The following OR51G1 variants were observed in gnomAD, a reference collection of about 807,000 sequenced individuals.
The protein encoded by OR51G1 is olfactory receptor 51G1.
For synonymous variants in OR51G1, 163 were observed against 156.9 expected (o/e 1.04, Z -0.29); for missense variants, 454 against 396.0 (o/e 1.15, Z -1.24).
Position 4,923,894 on chromosome 11 carries a change from C to A in OR51G1, c.446G>T (p.Ser149Ile). The part of the protein sequence containing the change: ...TPACIVKMGL[S>I]SVLRSALLIL... ...GAGGAGAGCACTTCTAAGCACTGAG[C>A]TTAGCCCCATCTTGACAATACATGC... The change falls in exon 1 of 1, where the codon AGC becomes ATC. Residue 149 changes from serine (S) to isoleucine (I), a missense_variant. Ser to Ile is a moderately radical substitution (Grantham distance 142, BLOSUM62 -2). Coordinates refer to ENST00000623849, the MANE Select transcript of OR51G1 (RefSeq NM_001005237.1). The A allele has an allele frequency of 6.2e-7, 1 of 1,614,080 alleles. No individual in the cohort carries two copies. Among genetic ancestry groups the A allele is most frequent in the South Asian group, 1.1e-5 (1 of 91,070 alleles).
In OR51G1 at chr11:4,924,161, G is replaced by T; in HGVS notation, c.179C>A (p.Pro60His). ...VICTDATLHGPMYYFLGMLAV... is the reference protein window; with the variant it reads ...VICTDATLHGHMYYFLGMLAV... ...TAGCATGCCCAAGAAATAGTACATG[G>T]GTCCATGGAGAGTGGCATCAGTACA... Residue 60 changes from proline to histidine, a missense_variant, in exon 1 of 1, where the codon CCC becomes CAC. Coordinates refer to ENST00000623849, the MANE Select transcript of OR51G1 (RefSeq NM_001005237.1). 1 of 1,614,168 alleles carries T rather than the reference G, an allele frequency of 6.2e-7. No homozygotes were observed. The highest frequency in any genetic ancestry group is 8.5e-7 in the Non-Finnish European group (1 of 1,180,030).
chr11:4,924,032 AGC>A lies in OR51G1; in HGVS notation c.306_307del (p.Gln102HisfsTer21), dbSNP rs1564808148. 6.2e-7 allele frequency: 1 copy of A among 1,614,168 alleles called. No individual in the cohort carries two copies. Among genetic ancestry groups the A allele is most frequent in the East Asian group, 2.2e-5 (1 of 44,854 alleles). On this transcript the variant is annotated frameshift_variant, in exon 1 of 1. Transcript: ENST00000623849. LOFTEE classifies it low-confidence loss of function (END_TRUNC). ...TGAAGACAAGGTGTGGATGAAGAAG[AGC>A]TGAGTGAAACAGGCAGGGATGCCAA...
Position 4,924,164 on chromosome 11 carries a change from C to T in OR51G1, c.176G>A (p.Gly59Glu). The change falls in exon 1 of 1, where the codon GGA (glycine) becomes GAA (glutamate). Residue 59 changes from glycine to glutamate, a missense_variant. Coordinates refer to ENST00000623849, the MANE Select transcript of OR51G1 (RefSeq NM_001005237.1). ...CATGCCCAAGAAATAGTACATGGGT[C>T]CATGGAGAGTGGCATCAGTACAAAT... ...HVICTDATLH[G>E]PMYYFLGMLA... The T allele has an allele frequency of 1.2e-6, 2 of 1,614,082 alleles. No individual in the cohort carries two copies. The highest frequency in any genetic ancestry group is 1.7e-6 in the Non-Finnish European group (2 of 1,180,010).
rs1295546830 is a variant in OR51G1, at chr11:4,924,324, TAAG to T, written c.13_15del (p.Leu5del). ...AAAGTGGCTCTTTGGAGGCTGCTAT[TAAG>T]AAGAATTGTCATAGCTTTACAATCT... On this transcript the variant is annotated inframe_deletion, in exon 1 of 1. Coordinates refer to ENST00000623849, the MANE Select transcript of OR51G1 (RefSeq NM_001005237.1). 4.4e-6 allele frequency: 7 copies of T among 1,607,156 alleles called. No individual in the cohort carries two copies. The highest frequency in any genetic ancestry group is 4.5e-5 in the East Asian group (2 of 44,836).
Position 4,924,275 on chromosome 11 carries a change from AG to A in OR51G1, c.64del (p.Leu22Ter). ...AGAGATCCAGCCATGGAGACCTTCT[AG>A]ACCTTGGAAGCCCGTCAGGAAGAAA... is the stretch of plus-strand genomic sequence containing the variant. ...ATFFLTGFQG[L>X]EGLHGWISIP... is the part of the protein sequence containing the mutation. On this transcript the variant is annotated frameshift_variant, in exon 1 of 1. Coordinates refer to ENST00000623849, the MANE Select transcript of OR51G1 (RefSeq NM_001005237.1). LOFTEE classifies it low-confidence loss of function (END_TRUNC). 6.2e-7 allele frequency: 1 copy of A among 1,613,972 alleles called. No homozygotes were observed. The highest frequency in any genetic ancestry group is 8.5e-7 in the Non-Finnish European group (1 of 1,179,946).
chr11:4,923,551 CACAAGAG>C lies in OR51G1; in HGVS notation c.782_788del (p.Ser261CysfsTer27), dbSNP rs762582022. The stretch of plus-strand genomic sequence containing the variant: ...GGGGCAGATGTTCACCAAAGCGATG[CACAAGAG>C]ACAAGCCAATCATGGGGATGTAGAA... On this transcript the variant is annotated frameshift_variant, in exon 1 of 1. Coordinates refer to ENST00000623849, the MANE Select transcript of OR51G1 (RefSeq NM_001005237.1). LOFTEE classifies it low-confidence loss of function (END_TRUNC). 11 of 1,613,934 alleles carry C rather than the reference CACAAGAG, an allele frequency of 6.8e-6. No homozygotes were observed. In the African/African-American group the frequency reaches 1.5e-4, roughly 22 times the overall value.
rs201149130 is a variant in OR51G1 at position 4,923,746 on chromosome 11, G to T, written c.594C>A (p.His198Gln). 1.7e-4 allele frequency: 282 copies of T among 1,613,978 alleles called. No homozygotes were observed. The highest frequency in any genetic ancestry group is 9.6e-5 in the Non-Finnish European group (113 of 1,180,030). ...KLACSSIIVN[H>Q]IYGLFVVACT... ...AGGCCACAACAAAGAGCCCATAGAT[G>T]TGATTGACAATGATGCTAGAGCAGG... Residue 198 changes from histidine to glutamine, a missense_variant, in exon 1 of 1, where the codon CAC becomes CAA. Physicochemically the swap from His to Gln is conservative, Grantham distance 24 (BLOSUM62 0). Transcript: ENST00000623849.
rs553437204 is a variant in OR51G1 at position 4,923,716 on chromosome 11, G to A, written c.624C>T (p.Thr208=). Residue 208 remains threonine (T), a synonymous_variant, in exon 1 of 1, where the codon ACC becomes ACT. Transcript: ENST00000623849. ...HIYGLFVVAC[T]VGVDSLLIFL... ...AGATGAGCAGGGAGTCCACACCCAC[G>A]GTGCAGGCCACAACAAAGAGCCCAT... 2.3e-4 allele frequency: 375 copies of A among 1,613,894 alleles called. 3 individuals carry two copies. The South Asian group carries it at 3.8e-3, about 16-fold the overall frequency.
At position 4,924,158 on chromosome 11, in the gene OR51G1, A is replaced by C; in HGVS notation, c.182T>G (p.Met61Arg). The C allele has an allele frequency of 6.2e-7, 1 of 1,614,118 alleles. No individual in the cohort carries two copies. The highest frequency in any genetic ancestry group is 8.5e-7 in the Non-Finnish European group (1 of 1,179,966). The change falls in exon 1 of 1, where the codon ATG (methionine) becomes AGG (arginine). Residue 61 changes from methionine to arginine, a missense_variant. Physicochemically the swap from Met to Arg is moderately conservative, Grantham distance 91. Transcript: ENST00000623849. ...AGCTAGCATGCCCAAGAAATAGTAC[A>C]TGGGTCCATGGAGAGTGGCATCAGT... ...ICTDATLHGP[M>R]YYFLGMLAVT... is the part of the protein sequence containing the mutation.
Position 4,923,834 on chromosome 11 carries a change from T to C in OR51G1, c.506A>G (p.Gln169Arg), listed in dbSNP as rs762455459. ...AGCCAGCACATGGGAGTGGCAGTAT[T>C]GGAAGCGCTTCAGGAGGAATGGCAA... is the stretch of plus-strand genomic sequence containing the variant. ...LPLPFLLKRFQYCHSHVLAHA... is the reference protein window; with the variant it reads ...LPLPFLLKRFRYCHSHVLAHA... Residue 169 changes from glutamine to arginine, a missense_variant, in exon 1 of 1, where the codon CAA becomes CGA. By Grantham distance (43) the Gln-to-Arg change is conservative (BLOSUM62 1). Transcript: ENST00000623849. 14 of 1,613,796 alleles carry C rather than the reference T, an allele frequency of 8.7e-6. No homozygotes were observed.
Position 4,923,604 on chromosome 11 carries a change from G to A in OR51G1, c.736C>T (p.His246Tyr), listed in dbSNP as rs2133583066. Residue 246 changes from histidine (H) to tyrosine (Y), a missense_variant, in exon 1 of 1, where the codon CAT (histidine) becomes TAT (tyrosine). Physicochemically the swap from His to Tyr is moderately conservative, Grantham distance 83. Transcript: ENST00000623849. ...RLRALNTCVS[H>Y]ICAVLLFYIP... ...TAGAAGAGCAGTACAGCACAGATAT[G>A]AGAGACACAGGTGTTGAGGGCTCGG... 6.2e-7 allele frequency: 1 copy of A among 1,614,152 alleles called. No individual in the cohort carries two copies. Among genetic ancestry groups the A allele is most frequent in the East Asian group, 2.2e-5 (1 of 44,862 alleles).
In OR51G1 at chr11:4,923,922, G is replaced by A. The variant is rs777287911; in HGVS notation, c.418C>T (p.Pro140Ser). 2 of 1,614,152 alleles carry A rather than the reference G, an allele frequency of 1.2e-6. No individual in the cohort carries two copies. Among genetic ancestry groups the A allele is most frequent in the Non-Finnish European group, 1.7e-6 (2 of 1,180,026 alleles). ...AGCCCCATCTTGACAATACATGCAG[G>A]TGTCAGGACGGTGGAGTCATGCAGT... ...NPLHDSTVLTPACIVKMGLSS... is the reference protein window; with the variant it reads ...NPLHDSTVLTSACIVKMGLSS... The change falls in exon 1 of 1, where the codon CCT becomes TCT. Residue 140 changes from proline (P) to serine (S), a missense_variant. Physicochemically the swap from Pro to Ser is moderately conservative, Grantham distance 74. Coordinates refer to ENST00000623849, the MANE Select transcript of OR51G1 (RefSeq NM_001005237.1).
chr11:4,924,319 G>T lies in OR51G1; in HGVS notation c.21C>A (p.Ser7Arg), dbSNP rs1851237374. 2 of 1,608,666 alleles carry T rather than the reference G, an allele frequency of 1.2e-6. No homozygotes were observed. Among genetic ancestry groups the T allele is most frequent in the African/African-American group, 2.7e-5 (2 of 74,600 alleles). Residue 7 changes from serine (S) to arginine (R), a missense_variant, in exon 1 of 1, where the codon AGC becomes AGA. Coordinates refer to ENST00000623849, the MANE Select transcript of OR51G1 (RefSeq NM_001005237.1). MTILLN[S>R]SLQRATFFLT... ...GGAAGAAAGTGGCTCTTTGGAGGCT[G>T]CTATTAAGAAGAATTGTCATAGCTT...
Position 4,924,288 on chromosome 11 carries a change from C to T in OR51G1, c.52G>A (p.Gly18Ser), listed in dbSNP as rs1188419758. 1.2e-6 allele frequency: 2 copies of T among 1,613,348 alleles called. No individual in the cohort carries two copies. Among genetic ancestry groups the T allele is most frequent in the South Asian group, 1.1e-5 (1 of 90,936 alleles). Residue 18 changes from glycine (G) to serine (S), a missense_variant, in exon 1 of 1, where the codon GGC (glycine) becomes AGC (serine). Physicochemically the swap from Gly to Ser is moderately conservative, Grantham distance 56. Transcript: ENST00000623849. ...SLQRATFFLT[G>S]FQGLEGLHGW... ...TGGAGACCTTCTAGACCTTGGAAGC[C>T]CGTCAGGAAGAAAGTGGCTCTTTGG... is the stretch of plus-strand genomic sequence containing the variant.
chr11:4,923,440 T>G lies in OR51G1; in HGVS notation c.900A>C (p.Gln300His). ...ACTTCTTAATGATGCGCTGGCGAATTTGCTTGGTCTTGATGCTGTAGATGA... is the reference window on the plus strand; with the variant it reads ...ACTTCTTAATGATGCGCTGGCGAATGTGCTTGGTCTTGATGCTGTAGATGA... ...NPIIYSIKTK[Q>H]IRQRIIKKFQ... Residue 300 changes from glutamine (Q) to histidine (H), a missense_variant, in exon 1 of 1, where the codon CAA becomes CAC. By Grantham distance (24) the Gln-to-His change is conservative. Transcript: ENST00000623849. The G allele has an allele frequency of 6.2e-7, 1 of 1,600,704 alleles. No homozygotes were observed.
At position 4,924,147 on chromosome 11, in the gene OR51G1, A is replaced by G. The variant is rs1158579004; in HGVS notation, c.193T>C (p.Leu65=). The G allele has an allele frequency of 1.1e-5, 18 of 1,614,076 alleles. No homozygotes were observed. Among genetic ancestry groups the G allele is most frequent in the Admixed American group, 3.3e-5 (2 of 60,012 alleles). ...AAGTCTGTGACAGCTAGCATGCCCA[A>G]GAAATAGTACATGGGTCCATGGAGA... ...ATLHGPMYYF[L]GMLAVTDLGL... Residue 65 remains leucine, a synonymous_variant, in exon 1 of 1, where the codon TTG becomes CTG. Transcript: ENST00000623849.
chr11:4,924,229 G>C lies in OR51G1; in HGVS notation c.111C>G (p.Tyr37Ter). The change falls in exon 1 of 1, where the codon TAC becomes TAG. Residue 37 changes from tyrosine to a stop codon, truncating the protein, a stop_gained. Coordinates refer to ENST00000623849, the MANE Select transcript of OR51G1 (RefSeq NM_001005237.1). LOFTEE classifies it low-confidence loss of function (END_TRUNC). ...GWISIPFCFI[Y>*]LTVILGNLTI... ...TGAGGTTCCCCAAGATAACTGTCAG[G>C]TAGATGAAGCAGAAGGGAATAGAGA... 6.2e-7 allele frequency: 1 copy of C among 1,614,186 alleles called. No individual in the cohort carries two copies. The highest frequency in any genetic ancestry group is 1.1e-5 in the South Asian group (1 of 91,084).
chr11:4,923,807 T>A lies in OR51G1; in HGVS notation c.533A>T (p.His178Leu). Residue 178 changes from histidine (H) to leucine (L), a missense_variant, in exon 1 of 1, where the codon CAT becomes CTT. His to Leu is a moderately conservative substitution (Grantham distance 99). Transcript: ENST00000623849. Reference sequence around the variant, plus strand: ...GATCTCCAGGTGAAGACAATAAGCATGAGCCAGCACATGGGAGTGGCAGTA... The same window carrying A: ...GATCTCCAGGTGAAGACAATAAGCAAGAGCCAGCACATGGGAGTGGCAGTA... ...FQYCHSHVLA[H>L]AYCLHLEIMK... The A allele has an allele frequency of 6.2e-7, 1 of 1,613,934 alleles. No individual in the cohort carries two copies. The highest frequency in any genetic ancestry group is 8.5e-7 in the Non-Finnish European group (1 of 1,180,002).
Position 4,924,088 on chromosome 11 carries a change from C to T in OR51G1, c.252G>A (p.Leu84=). ...CTCTGGTATCAAACCAGAAAATGCC[C>T]AGCACAGTGGGCAGTGTGGAAAGGC... ...GLCLSTLPTV[L]GIFWFDTREI... Residue 84 remains leucine, a synonymous_variant, in exon 1 of 1, where the codon CTG becomes CTA. Coordinates refer to ENST00000623849, the MANE Select transcript of OR51G1 (RefSeq NM_001005237.1). 1 of 1,614,080 alleles carries T rather than the reference C, an allele frequency of 6.2e-7. No individual in the cohort carries two copies. The highest frequency in any genetic ancestry group is 8.5e-7 in the Non-Finnish European group (1 of 1,180,000).
Sources: allele counts gnomAD v4.1 joint callset, GRCh38; gene constraint gnomAD v4.1.1; transcripts MANE v1.5; gene names NCBI Gene and HGNC (gene_info 2026-07-23, HGNC 2026-07-21).